The following DLGAP1 variants were observed in gnomAD, a reference collection of about 807,000 sequenced individuals.
DLGAP1 encodes the protein DLG associated protein 1, also known as disks large-associated protein 1.
In DLGAP1, 11 loss-of-function variants were observed where a neutral mutation model predicts 90.8. The ratio of observed to expected loss-of-function variants is 0.12; its 90% CI spans 0.08 to 0.20. The LOEUF (loss-of-function observed/expected upper bound fraction) is 0.20. Among genes scored for constraint, DLGAP1 ranks in the 10% least tolerant of loss-of-function variants. DLGAP1 has a pLI of 1.00. For missense variants in DLGAP1, 1,050 were observed against 1,333.8 expected, an observed-to-expected ratio of 0.79 and a Z score of 3.31; for synonymous variants, 558 against 540.7, an observed-to-expected ratio of 1.03 and a Z score of -0.44.
chr18:3,872,819 G>A (rs531662431), intron 4 of DLGAP1, among the ~76,000 whole-genome samples: 2 of 152,258 alleles, frequency 1.3e-5, no homozygotes, highest in South Asian at 4.2e-4. Flanking sequence ...ACTGTCTTCT[G>A]AGGAGAATGG....
chr18:4,436,189 G>C (rs62085389), intron 1 of DLGAP1, among the ~76,000 whole-genome samples: 4,532 of 152,234 alleles, frequency 0.03, 89 homozygotes, highest in Non-Finnish European at 0.043. Context: ...TTTAGGCAGT[G>C]ATCTTTTATG....
intron 1 of DLGAP1, among the ~76,000 whole-genome samples, chr18:4,261,862 C>T (rs939267801): frequency 6.6e-6 from 1 of 151,742 alleles, no homozygotes; most frequent in Non-Finnish European, 1.5e-5. Context: ...CTAGACAATA[C>T]CAGAAGGAAA....
Position 3,498,948 on chromosome 18 carries a change from G to A in DLGAP1, c.*237C>T, listed in dbSNP as rs1334909972. The A allele has an allele frequency of 1.9e-6, 1 of 535,154 alleles. No homozygotes were observed. The allele number at this position is 535,154 out of a possible 1,614,324, so 33.2% of individuals were successfully genotyped here. ...GGATCTCAGTATGAGGCAGGGCGACGGCATCAGGACAGGGGGCGAAGCTCG... is the reference window on the plus strand; with the variant it reads ...GGATCTCAGTATGAGGCAGGGCGACAGCATCAGGACAGGGGGCGAAGCTCG... On this transcript the variant is annotated 3_prime_UTR_variant, in exon 13 of 13. Coordinates refer to ENST00000315677, the MANE Select transcript of DLGAP1 (RefSeq NM_004746.4).
intron 10 of DLGAP1, among the ~76,000 whole-genome samples, chr18:3,532,252 T>G (rs983307378): frequency 2.0e-5 from 3 of 152,146 alleles, no homozygotes; most frequent in African/African-American, 7.2e-5. Flanking sequence ...TGGGGACTCA[T>G]CATGTTAAAC....
At chr18:3,509,301 A>C (rs936645742) in intron 10 of DLGAP1, among the ~76,000 whole-genome samples, 6 of 152,012 alleles carry the variant, frequency 3.9e-5, no homozygotes, top group Non-Finnish European at 7.4e-5. Context: ...CAGCTTTTAC[A>C]CTCTGCAGCC....
intron 1 of DLGAP1, among the ~76,000 whole-genome samples, chr18:4,236,010 G>A (rs181217714): frequency 3.9e-5 from 6 of 152,208 alleles, no homozygotes; most frequent in Non-Finnish European, 7.4e-5. Flanking sequence ...ACAGGCATGA[G>A]CCACCATGCC....
intron 3 of DLGAP1, among the ~76,000 whole-genome samples, chr18:3,998,538 T>C (rs952791665): frequency 6.6e-6 from 1 of 152,178 alleles, no homozygotes; most frequent in Non-Finnish European, 1.5e-5. Flanking sequence ...TGGAAAATGG[T>C]ATGTAGAGAA....
chr18:3,903,828 A>G (rs1238445542), intron 3 of DLGAP1, among the ~76,000 whole-genome samples: 1 of 152,226 alleles, frequency 6.6e-6, no homozygotes, highest in Non-Finnish European at 1.5e-5. Context: ...TTCATACCAG[A>G]TGCCTCATTG....
intron 1 of DLGAP1, among the ~76,000 whole-genome samples, chr18:4,352,264 A>G (rs2081418241): frequency 6.6e-6 from 1 of 152,200 alleles, no homozygotes; most frequent in African/African-American, 2.4e-5. Context: ...ATTTCATTAT[A>G]GATGCTGAGA....
intron 7 of DLGAP1, among the ~76,000 whole-genome samples, chr18:3,714,676 C>T (rs1050236756): frequency 6.6e-5 from 9 of 137,342 alleles, no homozygotes; most frequent in Non-Finnish European, 1.2e-4. Flanking sequence ...GAGGGAGTCT[C>T]GCTCTGTCAT....
chr18:3,694,385 T>A (rs984174713), intron 7 of DLGAP1, among the ~76,000 whole-genome samples: 9 of 152,312 alleles, frequency 5.9e-5, no homozygotes, highest in Admixed American at 3.3e-4. Context: ...TGATTTATAA[T>A]CCTTTGGTAT....
intron 7 of DLGAP1, among the ~76,000 whole-genome samples, chr18:3,673,672 G>A (rs1417942541): frequency 2.0e-5 from 3 of 151,800 alleles, no homozygotes; most frequent in South Asian, 2.1e-4. Flanking sequence ...TCAGCTTCCC[G>A]AGCAGCTGGG....
At chr18:3,662,990 G>A (rs1461161472) in intron 7 of DLGAP1, among the ~76,000 whole-genome samples, 1 of 152,150 alleles carries the variant, frequency 6.6e-6, no homozygotes, top group African/African-American at 2.4e-5. Flanking sequence ...CCTGAATCTC[G>A]GCTGGGTGCC....
chr18:3,923,806 A>T (rs1269809483), intron 3 of DLGAP1, among the ~76,000 whole-genome samples: 1 of 152,226 alleles, frequency 6.6e-6, no homozygotes, highest in African/African-American at 2.4e-5. Flanking sequence ...ACATTTTTGA[A>T]TAAATTTTTA....
intron 1 of DLGAP1, among the ~76,000 whole-genome samples, chr18:4,268,894 A>T (rs2079192459): frequency 6.6e-6 from 1 of 152,148 alleles, no homozygotes; most frequent in Non-Finnish European, 1.5e-5. Flanking sequence ...ATCAGTAAAG[A>T]ATAAGATCCA....
intron 1 of DLGAP1, among the ~76,000 whole-genome samples, chr18:4,207,042 T>C (rs1012247707): frequency 1.3e-5 from 2 of 152,176 alleles, no homozygotes; most frequent in African/African-American, 4.8e-5. Flanking sequence ...CAATTGCAGA[T>C]GGTGGGTAAG....
intron 7 of DLGAP1, among the ~76,000 whole-genome samples, chr18:3,609,411 T>G (rs2057487882): frequency 6.6e-6 from 1 of 152,188 alleles, no homozygotes; most frequent in Non-Finnish European, 1.5e-5. Flanking sequence ...TTGCTTATTT[T>G]TCTGTTACTA....
chr18:4,233,258 A>G (rs1332361463), intron 1 of DLGAP1, among the ~76,000 whole-genome samples: 1 of 152,128 alleles, frequency 6.6e-6, no homozygotes, highest in Admixed American at 6.6e-5. Flanking sequence ...TAAGCCAGAA[A>G]ACAGATTGAA....
At chr18:3,574,394 T>C (rs1483592204) in intron 8 of DLGAP1, among the ~76,000 whole-genome samples, 2 of 152,188 alleles carry the variant, frequency 1.3e-5, no homozygotes, top group Non-Finnish European at 1.5e-5. Context: ...CAGCCCATAG[T>C]GGTGATTTAT....
Sources: allele counts gnomAD v4.1 joint callset (sites outside exome capture counted in the v4.1 genomes callset), GRCh38; gene constraint gnomAD v4.1.1; transcripts MANE v1.5; gene names NCBI Gene and HGNC (gene_info 2026-07-23, HGNC 2026-07-21).